STAG2: variants seen among roughly 807,000 people sequenced by gnomAD.
STAG2 encodes the protein STAG2 cohesin complex component, also known as cohesin subunit SA-2.
STAG2 carries 14 observed loss-of-function variants against 108.1 expected under a neutral mutation model. The ratio of observed to expected loss-of-function variants is 0.13; its 90% CI spans 0.09 to 0.20. The LOEUF (loss-of-function observed/expected upper bound fraction) is 0.20. Ranked by LOEUF, STAG2 falls within the 10% of genes least tolerant of loss-of-function variation. STAG2 has a pLI of 1.00. For synonymous variants in STAG2, 307 were observed against 302.7 expected (o/e 1.01, Z -0.15); for missense variants, 440 against 940.9 (o/e 0.47, Z 6.96).
chrX:124,001,094 A>AT (rs1298455944), intron 1 of STAG2, among the ~76,000 whole-genome samples: 28 of 110,280 alleles, frequency 2.5e-4, no homozygotes, highest in Non-Finnish European at 4.7e-4. Flanking sequence ...AAGAAAAAAA[A>AT]TTTTTTTTTC....
chrX:124,060,478 A>G (rs762801479), intron 15 of STAG2, among the ~76,000 whole-genome samples: 80 of 112,307 alleles, frequency 7.1e-4, no homozygotes, highest in Non-Finnish European at 1.9e-4. Context: ...TTGCTTATAT[A>G]TTGAATTGAC....
chrX:124,006,664 C>T (rs2056309438), intron 1 of STAG2, among the ~76,000 whole-genome samples: 2 of 110,736 alleles, frequency 1.8e-5, no homozygotes, highest in African/African-American at 6.6e-5. Flanking sequence ...TGGTCTTGAT[C>T]TCCTGACCTT....
intron 1 of STAG2, chrX:124,003,809 G>A (rs911218525): frequency 8.1e-5 from 9 of 111,632 alleles, no homozygotes; most frequent in African/African-American, 2.9e-4. Context: ...TGTTAATTTA[G>A]TAACTATAAT....
intron 14 of STAG2, among the ~76,000 whole-genome samples, chrX:124,056,893 A>T: frequency 1.8e-5 from 1 of 54,968 alleles, no homozygotes; most frequent in South Asian, 1.1e-3. Flanking sequence ...TGCTATAATT[A>T]GGCTTTTTTT....
chrX:124,063,296 T>A, intron 19 of STAG2, 91 bp downstream of exon 19: 1 of 713,081 alleles, frequency 1.4e-6, no homozygotes, highest in South Asian at 3.1e-5. Flanking sequence ...AAATGTTTTT[T>A]TGGAACGTAT....
chrX:124,050,656 T>C (rs1349614896), intron 11 of STAG2, among the ~76,000 whole-genome samples: 1 of 111,672 alleles, frequency 9.0e-6, no homozygotes, highest in Non-Finnish European at 1.9e-5. Context: ...TATTCAATTT[T>C]GATCCTCTCT....
intron 15 of STAG2, among the ~76,000 whole-genome samples, chrX:124,058,601 TCA>T (rs1187227430): frequency 1.8e-5 from 2 of 112,603 alleles, no homozygotes; most frequent in Non-Finnish European, 3.7e-5. Context: ...TTTCAAAGCC[TCA>T]GTTTCCTAGT....
intron 9 of STAG2, among the ~76,000 whole-genome samples, chrX:124,048,314 A>G (rs961221587): frequency 8.9e-6 from 1 of 112,284 alleles, no homozygotes; most frequent in African/African-American, 3.2e-5. Flanking sequence ...TATTTCACCC[A>G]TGTCTAAATT....
Position 124,090,568 on chromosome X carries a change from T to C in STAG2, c.3278-7T>C. ...GACTAAACCTCGTCGTTAATTTTCT[T>C]TTCCAGCTGAAGAAAGTAGTAGTAG... is the stretch of plus-strand genomic sequence containing the variant. On this transcript the variant is annotated splice_region_variant and splice_polypyrimidine_tract_variant and intron_variant, in intron 30 of 34. Coordinates refer to ENST00000371145, the MANE Select transcript of STAG2 (RefSeq NM_001042750.2). 8.3e-7 allele frequency: 1 copy of C among 1,201,684 alleles called. No individual in the cohort carries two copies. The highest frequency in any genetic ancestry group is 1.1e-6 in the Non-Finnish European group (1 of 889,347).
intron 23 of STAG2, among the ~76,000 whole-genome samples, 164 bp from the exon 24 acceptor site, chrX:124,068,400 T>G (rs1308124480): frequency 1.8e-5 from 2 of 112,201 alleles, no homozygotes; most frequent in Non-Finnish European, 3.8e-5. Context: ...AAACCGTCTC[T>G]TTGTTTTCAT....
intron 1 of STAG2, chrX:123,962,232 C>T (rs185461000): frequency 1.8e-5 from 2 of 111,100 alleles, no homozygotes; most frequent in East Asian, 5.6e-4. Flanking sequence ...TCGGATGGGC[C>T]GTGGGAGAGA....
intron 1 of STAG2, among the ~76,000 whole-genome samples, chrX:124,006,660 T>C (rs139694902): frequency 0.15 from 16,906 of 110,072 alleles, 1,151 homozygotes; most frequent in South Asian, 0.36. Context: ...AGGATGGTCT[T>C]GATCTCCTGA....
At chrX:124,054,676 T>A (rs944318506) in intron 13 of STAG2, among the ~76,000 whole-genome samples, 1 of 112,085 alleles carries the variant, frequency 8.9e-6, no homozygotes, top group Admixed American at 9.5e-5. Flanking sequence ...TACCTAATAA[T>A]TTAAATTTCT....
intron 6 of STAG2, among the ~76,000 whole-genome samples, chrX:124,038,378 G>A (rs1324487582): frequency 9.2e-6 from 1 of 108,850 alleles, no homozygotes; most frequent in African/African-American, 3.3e-5. Flanking sequence ...GATGATGCCC[G>A]GGCAAATACA....
intron 33 of STAG2, among the ~76,000 whole-genome samples, chrX:124,094,840 A>G (rs1261977147): frequency 8.9e-6 from 1 of 111,980 alleles, no homozygotes; most frequent in African/African-American, 3.2e-5. Flanking sequence ...AATTTTTAGA[A>G]TGGTATAATT....
intron 25 of STAG2, 117 bp downstream of exon 25, chrX:124,071,440 G>C: frequency 1.8e-6 from 1 of 555,059 alleles, no homozygotes; most frequent in Non-Finnish European, 2.7e-6. Context: ...GTGAAACACA[G>C]GTATATATTC....
At chrX:123,962,628 T>A (rs1368787317) in intron 1 of STAG2, among the ~76,000 whole-genome samples, 2 of 111,529 alleles carry the variant, frequency 1.8e-5, no homozygotes, top group African/African-American at 6.5e-5. Flanking sequence ...TTCTTTCTCT[T>A]GGATGTAGTT....
At chrX:124,054,028 GTGTT>G (rs1485086966) in intron 13 of STAG2, among the ~76,000 whole-genome samples, 1 of 112,237 alleles carries the variant, frequency 8.9e-6, no homozygotes, top group Admixed American at 9.4e-5. Flanking sequence ...AAGATAGAAA[GTGTT>G]TGGTAATTAC....
intron 24 of STAG2, among the ~76,000 whole-genome samples, chrX:124,070,829 A>G (rs1316565176): frequency 9.0e-6 from 1 of 111,628 alleles, no homozygotes; most frequent in Non-Finnish European, 1.9e-5. Flanking sequence ...AGAAAACATG[A>G]GTTTGAGTCC....
Sources: gnomAD v4.1 joint callset for allele counts (sites outside exome capture counted in the v4.1 genomes callset) on GRCh38, gnomAD v4.1.1 for gene constraint, MANE v1.5 for transcripts, NCBI Gene and HGNC (gene_info 2026-07-23, HGNC 2026-07-21) for gene names.